CCDC3: variants seen among roughly 807,000 people sequenced by gnomAD.
CCDC3 encodes coiled-coil domain-containing protein 3.
CCDC3 carries 24 observed loss-of-function variants against 21.4 expected under a neutral mutation model. The observed-to-expected ratio is 1.12, with a 90% CI of 0.81 to 1.58. The LOEUF is 1.58. Among genes scored for constraint, CCDC3 ranks in the 40% most tolerant of loss-of-function variants. The pLI is 0.00. For synonymous variants in CCDC3, 186 were observed against 166.0 expected (o/e 1.12, Z -0.93); for missense variants, 425 against 360.9 (o/e 1.18, Z -1.44).
intron 5 of CCDC3, among the ~76,000 whole-genome samples, chr10:13,032,950 C>T (rs552921729): frequency 5.3e-5 from 8 of 152,276 alleles, no homozygotes; most frequent in African/African-American, 1.2e-4. Flanking sequence ...CCATCCCCAT[C>T]AAGCTACCAA....
rs532306782 is a variant in CCDC3, at chr10:12,944,847, T to C, written c.550-46168A>G. Among the ~76,000 whole-genome samples the C allele has an allele frequency of 4.6e-5, 7 of 152,374 alleles. 1 individual carries two copies. In the South Asian group the frequency reaches 1.4e-3, roughly 32 times the overall value. ...ATTGTCATGAGCAATCCAAGTATAATTGTTAAGAACAATGAATTAGATGTA... is the reference window on the plus strand; with the variant it reads ...ATTGTCATGAGCAATCCAAGTATAACTGTTAAGAACAATGAATTAGATGTA... On this transcript the variant is annotated intron_variant, in intron 2 of 2. Transcript: ENST00000378825.
At chr10:13,019,047 C>A (rs1589041796) in intron 5 of CCDC3, among the ~76,000 whole-genome samples, 2 of 150,208 alleles carry the variant, frequency 1.3e-5, no homozygotes, top group Admixed American at 1.3e-4. Context: ...TCCTGGCTAA[C>A]ACGGTGAAAC....
intron 2 of CCDC3, among the ~76,000 whole-genome samples, chr10:12,905,847 C>G (rs1834162543): frequency 6.6e-6 from 1 of 152,132 alleles, no homozygotes; most frequent in African/African-American, 2.4e-5. Flanking sequence ...TTGCTCTAGT[C>G]CCGCAGTTGG....
chr10:12,948,543 TG>T (rs1834957588), intron 2 of CCDC3, among the ~76,000 whole-genome samples: 1 of 151,956 alleles, frequency 6.6e-6, no homozygotes, highest in Non-Finnish European at 1.5e-5. Context: ...TCTCTACCTT[TG>T]GGACTTTTCC....
intron 2 of CCDC3, among the ~76,000 whole-genome samples, chr10:12,945,972 G>T (rs1027457524): frequency 3.3e-5 from 5 of 152,186 alleles, no homozygotes; most frequent in African/African-American, 4.8e-5. Context: ...GGTTTAGTTG[G>T]TTGTAATTGG....
Position 13,021,499 on chromosome 10 carries a change from C to G in CCDC3, c.-1-22987G>C, listed in dbSNP as rs191879554. Reference sequence around the variant, plus strand: ...AGAGCTCTTTCCTGTGGCAGCTTCTCTTAGTCTGTTGCTAAATCTATTCTG... The same window carrying G: ...AGAGCTCTTTCCTGTGGCAGCTTCTGTTAGTCTGTTGCTAAATCTATTCTG... On this transcript the variant is annotated intron_variant, in intron 5 of 6. Transcript: ENST00000378839. Among the ~76,000 whole-genome samples the G allele has an allele frequency of 1.8e-3, 275 of 152,370 alleles. 1 individual carries two copies. Among genetic ancestry groups the G allele is most frequent in the African/African-American group, 6.2e-3 (259 of 41,590 alleles).
intron 2 of CCDC3, among the ~76,000 whole-genome samples, chr10:12,927,287 T>A (rs770078243): frequency 1.3e-5 from 2 of 152,192 alleles, no homozygotes; most frequent in African/African-American, 2.4e-5. Context: ...TTTAAGGACA[T>A]GTCAGATACC....
At chr10:13,035,519 T>C (rs1836367281) in intron 5 of CCDC3, among the ~76,000 whole-genome samples, 1 of 152,184 alleles carries the variant, frequency 6.6e-6, no homozygotes, top group Non-Finnish European at 1.5e-5. Context: ...AAGTTGTAAT[T>C]TTTGTTTTTG....
intron 2 of CCDC3, among the ~76,000 whole-genome samples, chr10:12,932,947 T>C (rs7913019): frequency 4.4e-4 from 67 of 152,310 alleles, no homozygotes; most frequent in African/African-American, 1.4e-3. Flanking sequence ...TAGCTTGTCA[T>C]GATGAATTGC....
At chr10:12,967,523 T>G (rs1589024791) in intron 2 of CCDC3, among the ~76,000 whole-genome samples, 2 of 151,584 alleles carry the variant, frequency 1.3e-5, no homozygotes, top group East Asian at 3.9e-4. Flanking sequence ...ATACAATTAA[T>G]AAAAAGTTCA....
chr10:12,979,572 C>T (rs1008842931), intron 2 of CCDC3, among the ~76,000 whole-genome samples: 4 of 151,938 alleles, frequency 2.6e-5, no homozygotes, highest in African/African-American at 7.3e-5. Flanking sequence ...CAGGGTCTTG[C>T]TGTTGCCCAT....
intron 2 of CCDC3, among the ~76,000 whole-genome samples, chr10:12,988,650 C>CT (rs1835635284): frequency 6.6e-6 from 1 of 152,050 alleles, no homozygotes; most frequent in Non-Finnish European, 1.5e-5. Context: ...CACCTACCCT[C>CT]TTTTAATTCT....
chr10:12,977,275 A>C (rs1421068467), intron 2 of CCDC3, among the ~76,000 whole-genome samples: 3 of 151,942 alleles, frequency 2.0e-5, no homozygotes, highest in Admixed American at 6.6e-5. Flanking sequence ...ACCTTGTCTC[A>C]AAAAAAAGGA....
At chr10:13,058,971 G>T (rs1028004379) in intron 4 of CCDC3, among the ~76,000 whole-genome samples, 1 of 152,164 alleles carries the variant, frequency 6.6e-6, no homozygotes. Context: ...CCTGTGGAGA[G>T]TACTATTAGT....
chr10:12,958,581 T>G (rs1039678231), intron 2 of CCDC3, among the ~76,000 whole-genome samples: 1 of 152,194 alleles, frequency 6.6e-6, no homozygotes, highest in Non-Finnish European at 1.5e-5. Context: ...AGGCCTGGTC[T>G]TGACTCAATT....
chr10:13,020,326 G>A (rs998283874), intron 5 of CCDC3, among the ~76,000 whole-genome samples: 1 of 152,160 alleles, frequency 6.6e-6, no homozygotes, highest in East Asian at 1.9e-4. Flanking sequence ...AACACCTAAG[G>A]TTAATGACAC....
chr10:12,918,562 C>T (rs535469187), intron 2 of CCDC3, among the ~76,000 whole-genome samples: 2 of 152,334 alleles, frequency 1.3e-5, no homozygotes, highest in South Asian at 2.1e-4. Context: ...ATTTCCCCTT[C>T]TTCTCATTAC....
At chr10:12,908,631 AC>A (rs1462285469) in intron 2 of CCDC3, among the ~76,000 whole-genome samples, 2 of 125,618 alleles carry the variant, frequency 1.6e-5, no homozygotes, top group African/African-American at 7.3e-5. Context: ...TTTTTTTGAG[AC>A]AGAGTTTCCC....
At chr10:13,088,395 T>C (rs1256623013) in intron 3 of CCDC3, among the ~76,000 whole-genome samples, 2 of 152,194 alleles carry the variant, frequency 1.3e-5, no homozygotes, top group East Asian at 1.9e-4. Context: ...CAAACCAGTG[T>C]TGATAAACAC....
Sources: allele counts gnomAD v4.1 joint callset (sites outside exome capture counted in the v4.1 genomes callset), GRCh38; gene constraint gnomAD v4.1.1; transcripts MANE v1.5; gene names NCBI Gene and HGNC (gene_info 2026-07-23, HGNC 2026-07-21).